FOXN3: variants seen among roughly 807,000 people sequenced by gnomAD.
FOXN3 encodes the protein forkhead box protein N3.
FOXN3 carries 7 observed loss-of-function variants against 38.4 expected under a neutral mutation model. The ratio of observed to expected loss-of-function variants is 0.18; its 90% CI spans 0.10 to 0.34. FOXN3 has a LOEUF of 0.34. FOXN3 is among the 10% of genes least tolerant of loss of function. The pLI, the probability that FOXN3 is intolerant of heterozygous loss-of-function variation, is 1.00. For missense variants in FOXN3, 456 were observed against 613.4 expected, an observed-to-expected ratio of 0.74 and a Z score of 2.71; for synonymous variants, 230 against 242.2, an observed-to-expected ratio of 0.95 and a Z score of 0.47.
At chr14:89,250,985 TA>T (rs1275155280) in intron 4 of FOXN3, among the ~76,000 whole-genome samples, 3 of 152,178 alleles carry the variant, frequency 2.0e-5, no homozygotes, top group African/African-American at 7.2e-5. Flanking sequence ...CTTTATAAAT[TA>T]CTCAGTCTCG....
chr14:89,323,391 C>G (rs1265727696), intron 3 of FOXN3, among the ~76,000 whole-genome samples: 1 of 151,582 alleles, frequency 6.6e-6, no homozygotes, highest in Non-Finnish European at 1.5e-5. Context: ...AAGGTGACAC[C>G]TGAGCAAAGA....
chr14:89,602,177 T>A (rs1055464818), intron 1 of FOXN3, among the ~76,000 whole-genome samples: 5 of 151,764 alleles, frequency 3.3e-5, no homozygotes, highest in African/African-American at 9.7e-5. Flanking sequence ...TGGTCCCAGC[T>A]ATTTGGGAGG....
At chr14:89,176,885 T>C (rs1338656540) in intron 5 of FOXN3, among the ~76,000 whole-genome samples, 1 of 152,178 alleles carries the variant, frequency 6.6e-6, no homozygotes, top group Non-Finnish European at 1.5e-5. Flanking sequence ...TTCCAGAGCT[T>C]ACTACCCCTC....
intron 5 of FOXN3, among the ~76,000 whole-genome samples, chr14:89,179,823 T>C (rs1424389661): frequency 6.6e-6 from 1 of 152,064 alleles, no homozygotes; most frequent in African/African-American, 2.4e-5. Flanking sequence ...GCCTTACATA[T>C]GAGGGTGAGG....
intron 2 of FOXN3, among the ~76,000 whole-genome samples, chr14:89,381,080 T>C (rs1890631421): frequency 7.1e-6 from 1 of 139,918 alleles, no homozygotes; most frequent in Non-Finnish European, 1.5e-5. Flanking sequence ...AAGCAGCGAT[T>C]GCAGTGAGCC....
intron 1 of FOXN3, among the ~76,000 whole-genome samples, chr14:89,453,550 A>C: frequency 9.6e-6 from 1 of 104,014 alleles, no homozygotes. Flanking sequence ...ACACAGCAAG[A>C]CTCCGTCTCA....
chr14:89,363,947 AATATATATATATATATATAT>A lies in FOXN3; in HGVS notation c.544-13159_544-13140del, dbSNP rs67802765. ...TAACTGAGCAAGACCCTGTCTGTAA[AATATATATATATATATATAT>A]ATATATATATATATATATATAATAT... On this transcript the variant is annotated intron_variant, in intron 2 of 5. Coordinates refer to ENST00000557258, the MANE Select transcript of FOXN3 (RefSeq NM_005197.4). Among the ~76,000 whole-genome samples the A allele has an allele frequency of 4.6e-4, 51 of 111,354 alleles. 2 individuals are homozygous for A. The highest frequency in any genetic ancestry group is 7.6e-4 in the South Asian group (3 of 3,972). The allele number at this position is 111,354 out of a possible 152,430, so 73.1% of individuals were successfully genotyped here.
intron 3 of FOXN3, among the ~76,000 whole-genome samples, chr14:89,293,830 A>G (rs1886953238): frequency 6.6e-6 from 1 of 152,176 alleles, no homozygotes; most frequent in Non-Finnish European, 1.5e-5. Context: ...TCCAGGCTAT[A>G]CCAAGACACC....
chr14:89,194,721 A>AAAT (rs1888052960), intron 4 of FOXN3, among the ~76,000 whole-genome samples: 2 of 151,914 alleles, frequency 1.3e-5, no homozygotes, highest in Non-Finnish European at 2.9e-5. Context: ...TCACTGTAAA[A>AAAT]AAAAAAACAC....
intron 1 of FOXN3, among the ~76,000 whole-genome samples, chr14:89,515,597 G>A (rs11622323): frequency 0.095 from 14,501 of 151,936 alleles, 840 homozygotes; most frequent in African/African-American, 0.16. Flanking sequence ...TTAGCTGGGC[G>A]TGGTAGCAGG....
chr14:89,167,000 T>A (rs2139778947), intron 5 of FOXN3, among the ~76,000 whole-genome samples: 1 of 152,372 alleles, frequency 6.6e-6, no homozygotes, highest in Middle Eastern at 3.4e-3. Flanking sequence ...GAACATGTGA[T>A]ACATCCGAAA....
At position 89,417,177 on chromosome 14, in the gene FOXN3, G is replaced by C. The variant is rs918526732; in HGVS notation, c.-321C>G. ...CGCCTCCGCCGCGGCGCGTCGGGCC[G>C]GGGCGCGCCGAGCGGCGAGAAATTG... On this transcript the variant is annotated 5_prime_UTR_variant, in exon 1 of 6. Coordinates refer to ENST00000557258, the MANE Select transcript of FOXN3 (RefSeq NM_005197.4). 4.1e-5 allele frequency: 6 copies of C among 145,488 alleles called. No individual in the cohort carries two copies. Among genetic ancestry groups the C allele is most frequent in the Admixed American group, 1.4e-4 (2 of 14,748 alleles). The allele number at this position is 145,488 out of a possible 1,614,324, so 9.0% of individuals were successfully genotyped here.
rs903882724 is a variant in FOXN3 at position 89,590,753 on chromosome 14, G to A, written c.-15+28275C>T. Reference sequence around the variant, plus strand: ...GAACCCCTCTCCCCGAGAGTCAGCCGTAAAACCTAGAAATACATCTCTAAC... The same window carrying A: ...GAACCCCTCTCCCCGAGAGTCAGCCATAAAACCTAGAAATACATCTCTAAC... On this transcript the variant is annotated intron_variant, in intron 1 of 6. Coordinates refer to the FOXN3 transcript ENST00000345097. 3.3e-5 allele frequency among the ~76,000 whole-genome samples: 5 copies of A among 152,038 alleles called. No homozygotes were observed. In the East Asian group the frequency reaches 5.8e-4, roughly 18 times the overall value.
chr14:89,551,494 A>G (rs1895004843), intron 1 of FOXN3, among the ~76,000 whole-genome samples: 1 of 152,136 alleles, frequency 6.6e-6, no homozygotes, highest in African/African-American at 2.4e-5. Context: ...CAGCCCCGAC[A>G]AAAAAGGTCA....
Position 89,453,429 on chromosome 14 carries a change from G to A in FOXN3, c.-14-40939C>T, listed in dbSNP as rs577393951. 4.6e-5 allele frequency among the ~76,000 whole-genome samples: 7 copies of A among 150,652 alleles called. No individual in the cohort carries two copies. The South Asian group carries it at 1.1e-3, about 23-fold the overall frequency. ...AAAAAAATTAACCGGGCGTGGTGGC[G>A]GGCGCCTGTAGTCCCAGCTACTCGG... On this transcript the variant is annotated intron_variant, in intron 1 of 6. Coordinates refer to the FOXN3 transcript ENST00000345097.
chr14:89,469,923 C>T (rs993026997), intron 1 of FOXN3, among the ~76,000 whole-genome samples: 3 of 152,256 alleles, frequency 2.0e-5, no homozygotes, highest in Admixed American at 6.5e-5. Context: ...CGGGCTTCCA[C>T]GCAGGTGCGT....
chr14:89,369,071 C>G (rs1890236856), intron 2 of FOXN3, among the ~76,000 whole-genome samples: 1 of 152,210 alleles, frequency 6.6e-6, no homozygotes, highest in Non-Finnish European at 1.5e-5. Flanking sequence ...CTCTACCAAT[C>G]TTCCTGGGGG....
intron 1 of FOXN3, among the ~76,000 whole-genome samples, chr14:89,529,941 A>ATTT (rs57214820): frequency 7.0e-6 from 1 of 143,516 alleles, no homozygotes; most frequent in Non-Finnish European, 1.5e-5. Context: ...AGACTGTGTA[A>ATTT]TTTTTTTTTT....
intron 4 of FOXN3, among the ~76,000 whole-genome samples, chr14:89,213,324 C>T (rs8022066): frequency 0.22 from 33,379 of 152,134 alleles, 3,801 homozygotes; most frequent in East Asian, 0.33. Context: ...TCATTGAAAG[C>T]CCCAAGACAG....
Sources: allele counts gnomAD v4.1 joint callset (sites outside exome capture counted in the v4.1 genomes callset), GRCh38; gene constraint gnomAD v4.1.1; transcripts MANE v1.5; gene names NCBI Gene and HGNC (gene_info 2026-07-23, HGNC 2026-07-21).